The following LRP8 variants were observed in gnomAD, a reference collection of about 807,000 sequenced individuals.
The protein encoded by LRP8 is low-density lipoprotein receptor-related protein 8.
A neutral mutation model predicts 111.6 loss-of-function variants in LRP8; 46 were observed. That is an observed-to-expected ratio of 0.41 (90% CI 0.33 to 0.53). The LOEUF (loss-of-function observed/expected upper bound fraction) is 0.53. Among genes scored for constraint, LRP8 ranks in the 20% least tolerant of loss-of-function variants. The probability of loss-of-function intolerance (pLI) is 0.20; values close to 1 mark genes in which losing one functional copy is unlikely to be tolerated. For synonymous variants in LRP8, 464 were observed against 511.2 expected (o/e 0.91, Z 1.24); for missense variants, 959 against 1,297.4 (o/e 0.74, Z 4.01).
At chr1:53,323,662 G>T (rs1179243627) in intron 2 of LRP8, among the ~76,000 whole-genome samples, 1 of 152,170 alleles carries the variant, frequency 6.6e-6, no homozygotes, top group Non-Finnish European at 1.5e-5. Flanking sequence ...CTTCCATCCC[G>T]CAAGCTCCAT....
intron 2 of LRP8, among the ~76,000 whole-genome samples, chr1:53,309,029 C>T (rs944189191): frequency 6.6e-6 from 1 of 152,206 alleles, no homozygotes; most frequent in South Asian, 2.1e-4. Context: ...AATCCCAGCA[C>T]TTTGGGAGGC....
intron 4 of LRP8, among the ~76,000 whole-genome samples, chr1:53,280,353 A>T (rs1647065894): frequency 6.6e-6 from 1 of 152,198 alleles, no homozygotes; most frequent in Non-Finnish European, 1.5e-5. Context: ...TCTGAGCCTC[A>T]GTTTCCTCAC....
intron 2 of LRP8, among the ~76,000 whole-genome samples, chr1:53,318,425 C>T (rs1214961740): frequency 6.6e-6 from 1 of 151,908 alleles, no homozygotes; most frequent in Non-Finnish European, 1.5e-5. Flanking sequence ...AAAGGAGAGC[C>T]ATGGGGCCAT....
Position 53,260,609 on chromosome 1 carries a change from TG to T in LRP8, c.1915-5del, listed in dbSNP as rs780609919. The T allele has an allele frequency of 6.2e-7, 1 of 1,613,896 alleles. No homozygotes were observed. The highest frequency in any genetic ancestry group is 1.1e-5 in the South Asian group (1 of 91,060). On this transcript the variant is annotated splice_polypyrimidine_tract_variant and splice_region_variant and intron_variant, in intron 12 of 18. Transcript: ENST00000306052. ...GGTCTGTCCAGAACACCTTGTCCTG[TG>T]GGGTATAGATGCAGAGGATGGGAGG...
chr1:53,322,477 C>T (rs569087993), intron 2 of LRP8, among the ~76,000 whole-genome samples: 35 of 152,280 alleles, frequency 2.3e-4, no homozygotes, highest in African/African-American at 7.9e-4. Context: ...AGGTGAGAAG[C>T]AGCAGGAGGG....
Position 53,280,503 on chromosome 1 carries a change from G to A in LRP8, c.496+84C>T, listed in dbSNP as rs141224607. The A allele has an allele frequency of 4.5e-6, 7 of 1,548,756 alleles. No homozygotes were observed. In the Admixed American group the frequency reaches 7.0e-5, roughly 16 times the overall value. ...CACCACCAAGCCCCACGGGGAACTGGGCCCCCTCCCCAGAAGTGGCTGCCA... is the reference window on the plus strand; with the variant it reads ...CACCACCAAGCCCCACGGGGAACTGAGCCCCCTCCCCAGAAGTGGCTGCCA... On this transcript the variant is annotated intron_variant, in intron 4 of 18. Transcript: ENST00000306052.
chr1:53,255,718 C>T (rs1646061519), intron 15 of LRP8, among the ~76,000 whole-genome samples: 1 of 152,178 alleles, frequency 6.6e-6, no homozygotes, highest in South Asian at 2.1e-4. Flanking sequence ...CTGTGTCAGA[C>T]TTCTGGGTTC....
At position 53,276,916 on chromosome 1, in the gene LRP8, G is replaced by GCGCCGCCGC. The variant is rs1364742936; in HGVS notation, c.650_658dup (p.Gly217_Gly219dup). ...GCAGACCCAGCGCTCCGGGATGCAG[G>GCGCCGCCGC]CGCCGCCGCCATCGCCGCCGCAGCG... On this transcript the variant is annotated inframe_insertion, in exon 5 of 19. Coordinates refer to ENST00000306052, the MANE Select transcript of LRP8 (RefSeq NM_004631.5). 9.7e-6 allele frequency: 14 copies of GCGCCGCCGC among 1,436,986 alleles called. 1 individual carries two copies. In the South Asian group the frequency reaches 1.7e-4, roughly 17 times the overall value. The allele number at this position is 1,436,986 out of a possible 1,614,324, so 89.0% of individuals were successfully genotyped here.
At position 53,327,841 on chromosome 1, in the gene LRP8, CAGCAGCAGCA is replaced by C. The variant is rs750843476; in HGVS notation, c.62_71del (p.Leu21ArgfsTer50). On this transcript the variant is annotated frameshift_variant, in exon 1 of 19. Coordinates refer to ENST00000306052, the MANE Select transcript of LRP8 (RefSeq NM_004631.5). LOFTEE classifies it high-confidence loss of function. Reference sequence around the variant, plus strand: ...CTGCCGCCGCAAGATGCTGGAGCTGCAGCAGCAGCAGCAGCAGCAGCAGCAGCAGCAGCGC... The same window carrying C: ...CTGCCGCCGCAAGATGCTGGAGCTGCGCAGCAGCAGCAGCAGCAGCAGCGC... 212 of 1,071,960 alleles carry C rather than the reference CAGCAGCAGCA, an allele frequency of 2.0e-4. 2 individuals carry two copies. Among genetic ancestry groups the C allele is most frequent in the South Asian group, 7.9e-4 (46 of 57,862 alleles). The allele number at this position is 1,071,960 out of a possible 1,614,324, so 66.4% of individuals were successfully genotyped here.
At chr1:53,273,265 G>T (rs562293289) in intron 6 of LRP8, among the ~76,000 whole-genome samples, 1 of 152,278 alleles carries the variant, frequency 6.6e-6, no homozygotes, top group African/African-American at 2.4e-5. Context: ...GGAAGAAGTG[G>T]TGTCACTGCA....
intron 2 of LRP8, among the ~76,000 whole-genome samples, chr1:53,300,636 C>T (rs1650636098): frequency 6.6e-6 from 1 of 152,236 alleles, no homozygotes; most frequent in South Asian, 2.1e-4. Flanking sequence ...GCTCAGAAGT[C>T]ATCCCAGCAG....
Position 53,246,896 on chromosome 1 carries a change from TCACA to T in LRP8, c.*118_*121del, listed in dbSNP as rs570462701. The T allele has an allele frequency of 1.3e-3, 1,007 of 803,154 alleles. 2 individuals carry two copies. Among genetic ancestry groups the T allele is most frequent in the Non-Finnish European group, 1.9e-3 (959 of 515,228 alleles). 49.8% of individuals were successfully genotyped at this position (803,154 alleles called of 1,614,324 possible). On this transcript the variant is annotated 3_prime_UTR_variant, in exon 19 of 19. Transcript: ENST00000306052. ...CCGCAACATAAATTTAAAAAAAAAATCACACACACACATACACTCACACAGACCC... is the reference window on the plus strand; with the variant it reads ...CCGCAACATAAATTTAAAAAAAAAATCACACACATACACTCACACAGACCC...
intron 2 of LRP8, among the ~76,000 whole-genome samples, chr1:53,315,801 A>T (rs922950860): frequency 1.3e-5 from 2 of 152,182 alleles, no homozygotes; most frequent in African/African-American, 4.8e-5. Flanking sequence ...ATCACATGGC[A>T]TGTTGGGGAC....
intron 1 of LRP8, chr1:53,327,516 T>A: frequency 2.8e-6 from 1 of 356,570 alleles, no homozygotes; most frequent in Non-Finnish European, 4.9e-6. Flanking sequence ...GAACCATGAA[T>A]GGCCGCCCCT....
At position 53,277,083 on chromosome 1, in the gene LRP8, G is replaced by A. The variant is rs1646947743; in HGVS notation, c.497-5C>T. On this transcript the variant is annotated splice_region_variant and splice_polypyrimidine_tract_variant and intron_variant, in intron 4 of 18. Coordinates refer to ENST00000306052, the MANE Select transcript of LRP8 (RefSeq NM_004631.5). ...GGAACTCGTGCGGGGCGCACACTGCGCGGGACAGAGAGCCGGTCGGCCCGC... is the reference window on the plus strand; with the variant it reads ...GGAACTCGTGCGGGGCGCACACTGCACGGGACAGAGAGCCGGTCGGCCCGC... 2 of 1,496,968 alleles carry A rather than the reference G, an allele frequency of 1.3e-6. No homozygotes were observed. Among genetic ancestry groups the A allele is most frequent in the East Asian group, 2.6e-5 (1 of 38,114 alleles). The allele number at this position is 1,496,968 out of a possible 1,614,324, so 92.7% of individuals were successfully genotyped here.
intron 2 of LRP8, among the ~76,000 whole-genome samples, chr1:53,300,830 C>T (rs188748543): frequency 9.8e-5 from 15 of 152,308 alleles, no homozygotes; most frequent in Admixed American, 2.0e-4. Flanking sequence ...GTTTGGGCCT[C>T]GGGAGCCCTG....
chr1:53,300,968 C>A (rs1295922800), intron 2 of LRP8, among the ~76,000 whole-genome samples: 1 of 152,178 alleles, frequency 6.6e-6, no homozygotes, highest in Non-Finnish European at 1.5e-5. Flanking sequence ...CAAAGGCCTG[C>A]CTGGGTTACC....
In LRP8 at chr1:53,317,181, G is replaced by A. The variant is rs1013118397; in HGVS notation, c.244+9692C>T. 1.3e-5 allele frequency among the ~76,000 whole-genome samples: 2 copies of A among 152,154 alleles called. No homozygotes were observed. The highest frequency in any genetic ancestry group is 2.1e-4 in the South Asian group (1 of 4,828). ...AGTGGGGGAGGGAGGGAGGGGAGGA[G>A]TGCTGGCTTGAATGTCCCTGGATTC... On this transcript the variant is annotated intron_variant, in intron 2 of 18. Transcript: ENST00000306052. The surrounding 1 kb of genome is among the most constrained non-coding windows in gnomAD (Gnocchi z 4.9).
Position 53,275,209 on chromosome 1 carries a change from C to T in LRP8, c.1006+422G>A, listed in dbSNP as rs1200287162. 1.3e-5 allele frequency among the ~76,000 whole-genome samples: 2 copies of T among 152,208 alleles called. No individual in the cohort carries two copies. Among genetic ancestry groups the T allele is most frequent in the African/African-American group, 4.8e-5 (2 of 41,450 alleles). On this transcript the variant is annotated intron_variant, in intron 6 of 18. Coordinates refer to ENST00000306052, the MANE Select transcript of LRP8 (RefSeq NM_004631.5). This position sits in a 1 kb window ranked among gnomAD's most constrained non-coding sequence, Gnocchi z 4.4. ...ACTGCCCAGCCTGTTATCCATTCCC[C>T]AAGATGACTAGTGAATGAGGGTCCC... is the stretch of plus-strand genomic sequence containing the variant.
Sources: gnomAD v4.1 joint callset for allele counts (sites outside exome capture counted in the v4.1 genomes callset) on GRCh38, gnomAD v4.1.1 for gene constraint, Gnocchi (gnomAD v3.1) non-coding constraint, MANE v1.5 for transcripts, NCBI Gene and HGNC (gene_info 2026-07-23, HGNC 2026-07-21) for gene names.